Variants in LRGUK observed in about 807,000 individuals in gnomAD.
The protein encoded by LRGUK is leucine-rich repeat and guanylate kinase domain-containing protein.
Under a neutral mutation model 76.0 loss-of-function variants are expected in LRGUK, and 65 were observed. The ratio of observed to expected loss-of-function variants is 0.85; its 90% CI spans 0.70 to 1.05. The LOEUF (loss-of-function observed/expected upper bound fraction) is 1.05, where lower values mean the gene tolerates loss of function less well. LRGUK is among the 50% of genes least tolerant of loss of function. The pLI, the probability that LRGUK is intolerant of heterozygous loss-of-function variation, is 0.00. For synonymous variants in LRGUK, 268 were observed against 265.6 expected (o/e 1.01, Z -0.09); for missense variants, 758 against 732.8 (o/e 1.03, Z -0.40).
chr7:134,206,283 G>A (rs993649696), intron 15 of LRGUK, among the ~76,000 whole-genome samples: 10 of 152,140 alleles, frequency 6.6e-5, no homozygotes, highest in East Asian at 3.9e-4. Context: ...TTGGAAGCCC[G>A]AGGAGGGCAG....
intron 10 of LRGUK, among the ~76,000 whole-genome samples, chr7:134,180,627 G>A (rs1799700059): frequency 6.6e-6 from 1 of 151,940 alleles, no homozygotes. Context: ...TACCACAGTG[G>A]TATTAGAATA....
At chr7:134,153,845 C>A (rs1158316204) in intron 5 of LRGUK, among the ~76,000 whole-genome samples, 1 of 152,184 alleles carries the variant, frequency 6.6e-6, no homozygotes, top group African/African-American at 2.4e-5. Context: ...ATCATTGCAG[C>A]TCTCTCCACT....
intron 9 of LRGUK, among the ~76,000 whole-genome samples, chr7:134,177,366 G>A (rs381356): frequency 0.6 from 90,793 of 151,960 alleles, 27,638 homozygotes; most frequent in African/African-American, 0.64. Context: ...CAGACTATCA[G>A]TTTGAAAAAC....
chr7:134,251,920 G>A (rs993729387), intron 18 of LRGUK, among the ~76,000 whole-genome samples: 2 of 152,184 alleles, frequency 1.3e-5, no homozygotes, highest in Non-Finnish European at 2.9e-5. Context: ...AGAGCCAGAT[G>A]TTGGCAATAT....
chr7:134,193,077 C>T (rs1298945682), intron 12 of LRGUK, among the ~76,000 whole-genome samples: 2 of 152,184 alleles, frequency 1.3e-5, no homozygotes, highest in African/African-American at 4.8e-5. Context: ...TACATGGTGC[C>T]TGTTTTCTGG....
chr7:134,163,420 C>G, exon 7 of LRGUK: 1 of 1,612,780 alleles, frequency 6.2e-7, no homozygotes, highest in Non-Finnish European at 8.5e-7. Flanking sequence ...TTGAGATGAT[C>G]ACAGGTTTGG....
the LRGUK span, among the ~76,000 whole-genome samples, chr7:134,272,986 C>T: frequency 0.017 from 2,522 of 152,234 alleles, 31 homozygotes; most frequent in Non-Finnish European, 0.026. Context: ...TCAGGGGAGA[C>T]ATTAGGTTCC....
rs575079561 is a variant in LRGUK, at chr7:134,129,662, C to T, written c.297+1998C>T. 3.4e-4 allele frequency among the ~76,000 whole-genome samples: 51 copies of T among 151,102 alleles called. 1 individual carries two copies. The highest frequency in any genetic ancestry group is 3.4e-3 in the Middle Eastern group (1 of 292). On this transcript the variant is annotated intron_variant, in intron 1 of 15. Transcript: ENST00000645682. ...TAGTTCTTGTAATTTTTGTAAGAGA[C>T]GGGGGCCTTGCCATATTGCCTAGGC...
intron 15 of LRGUK, among the ~76,000 whole-genome samples, chr7:134,205,236 G>A (rs1025439396): frequency 2.0e-5 from 3 of 152,068 alleles, no homozygotes; most frequent in Admixed American, 1.3e-4. Flanking sequence ...TTTACAGAGC[G>A]CTGATTGGTG....
At chr7:134,209,893 A>G (rs1801176970) in exon 16 of LRGUK, 1 of 399,226 alleles carries the variant, frequency 2.5e-6, no homozygotes, top group African/African-American at 2.1e-5. Flanking sequence ...CGGCTCAGAA[A>G]GTGAGGCTCC....
chr7:134,138,038 A>G (rs891262495), intron 2 of LRGUK, among the ~76,000 whole-genome samples: 1 of 152,172 alleles, frequency 6.6e-6, no homozygotes, highest in Non-Finnish European at 1.5e-5. Flanking sequence ...TAAAACAGTA[A>G]TCTTTTTCTA....
chr7:134,178,698 CT>C, intron 10 of LRGUK, 89 bp downstream of exon 10: 2 of 912,398 alleles, frequency 2.2e-6, no homozygotes, highest in Non-Finnish European at 3.3e-6. Context: ...TTTGTGACCC[CT>C]TTATTTCCTA....
intron 2 of LRGUK, among the ~76,000 whole-genome samples, chr7:134,138,922 C>T (rs1797643900): frequency 6.6e-6 from 1 of 152,170 alleles, no homozygotes; most frequent in South Asian, 2.1e-4. Context: ...TGGGAATAAG[C>T]TGCCCTACAG....
Position 134,181,665 on chromosome 7 carries a change from TA to T in LRGUK, c.1215-2068del, listed in dbSNP as rs559289417. 2.0e-4 allele frequency among the ~76,000 whole-genome samples: 31 copies of T among 152,298 alleles called. No homozygotes were observed. The East Asian group carries it at 4.2e-3, about 21-fold the overall frequency. The stretch of plus-strand genomic sequence containing the variant: ...TATTTGTCACTTTCTTTTTCTTAGT[TA>T]TTTTTTTGAAAAAATATATTTTGAG... On this transcript the variant is annotated intron_variant, in intron 10 of 15. Transcript: ENST00000645682.
chr7:134,155,317 A>G (rs761379349), intron 5 of LRGUK, among the ~76,000 whole-genome samples: 3 of 152,184 alleles, frequency 2.0e-5, no homozygotes, highest in Non-Finnish European at 2.9e-5. Context: ...TTCCAGAACA[A>G]TTATTTAAGC....
intron 6 of LRGUK, among the ~76,000 whole-genome samples, chr7:134,159,366 A>G (rs528580118): frequency 6.6e-6 from 1 of 151,406 alleles, no homozygotes; most frequent in Admixed American, 6.6e-5. Context: ...GAAAGAAATG[A>G]CATCTTGGAT....
At chr7:134,263,367 A>G (rs1052392955) in intron 19 of LRGUK, among the ~76,000 whole-genome samples, 1 of 113,496 alleles carries the variant, frequency 8.8e-6, no homozygotes, top group African/African-American at 2.7e-5. Context: ...TTTAGAGGGC[A>G]TTAAATGAAG....
In LRGUK at chr7:134,200,326, C is replaced by T. The variant is rs185001617; in HGVS notation, c.1747+905C>T. ...TGCTGGGATTACAGGCGTGAGCCAC[C>T]GCACCTGGCAAATTTCTATATATTT... On this transcript the variant is annotated intron_variant, in intron 14 of 15. Transcript: ENST00000645682. Among the ~76,000 whole-genome samples, 6 of 151,852 alleles carry T rather than the reference C, an allele frequency of 4.0e-5. 1 individual carries two copies. The highest frequency in any genetic ancestry group is 1.3e-4 in the Admixed American group (2 of 15,232).
chr7:134,210,493 T>C (rs565094971), downstream of LRGUK, among the ~76,000 whole-genome samples: 47 of 152,262 alleles, frequency 3.1e-4, no homozygotes, highest in African/African-American at 1.1e-3. Context: ...GAGAGATTTT[T>C]GGAGGGTTAT....
Sources: allele counts gnomAD v4.1 joint callset (sites outside exome capture counted in the v4.1 genomes callset), GRCh38; gene constraint gnomAD v4.1.1; transcripts MANE v1.5; gene names NCBI Gene and HGNC (gene_info 2026-07-23, HGNC 2026-07-21).